Variants in ART3 observed in about 807,000 individuals in gnomAD.
The protein encoded by ART3 is ADP-ribosyltransferase 3 (inactive).
In ART3, 49 loss-of-function variants were observed where a neutral mutation model predicts 48.5. The ratio of observed to expected loss-of-function variants is 1.01; its 90% CI spans 0.80 to 1.28. ART3 has a LOEUF of 1.28. Among genes scored for constraint, ART3 ranks in the 50% most tolerant of loss-of-function variants. The pLI, the probability that ART3 is intolerant of heterozygous loss-of-function variation, is 0.00. For synonymous variants in ART3, 145 were observed against 157.2 expected, an observed-to-expected ratio of 0.92 and a Z score of 0.58; for missense variants, 438 against 454.3, an observed-to-expected ratio of 0.96 and a Z score of 0.33.
Position 76,030,907 on chromosome 4 carries a change from C to T in ART3, c.-10+19587C>T, listed in dbSNP as rs571928883. 7.2e-5 allele frequency among the ~76,000 whole-genome samples: 11 copies of T among 152,190 alleles called. No homozygotes were observed. The East Asian group carries it at 2.1e-3, about 29-fold the overall frequency. On this transcript the variant is annotated intron_variant, in intron 1 of 9. Coordinates refer to the ART3 transcript ENST00000341029. ...TATTTGGGTTGTTTCTGCTTTCTGGCTGTTGTGTATAATGCTGCTATGAAC... is the reference window on the plus strand; with the variant it reads ...TATTTGGGTTGTTTCTGCTTTCTGGTTGTTGTGTATAATGCTGCTATGAAC...
intron 1 of ART3, among the ~76,000 whole-genome samples, chr4:76,064,315 A>G (rs1049848490): frequency 6.6e-6 from 1 of 152,262 alleles, no homozygotes; most frequent in African/African-American, 2.4e-5. Flanking sequence ...AGGAAAAATA[A>G]AAAATTTTAG....
intron 1 of ART3, among the ~76,000 whole-genome samples, chr4:76,037,684 C>T (rs1426291879): frequency 6.6e-6 from 1 of 152,028 alleles, no homozygotes. Context: ...GATATTAATT[C>T]TTAAAATTCT....
intron 1 of ART3, among the ~76,000 whole-genome samples, chr4:76,031,913 C>T (rs1433110398): frequency 6.6e-6 from 1 of 152,010 alleles, no homozygotes; most frequent in Non-Finnish European, 1.5e-5. Flanking sequence ...AATAGGACAC[C>T]TAATCTAGTT....
rs143493954 is a variant in ART3 at position 76,023,379 on chromosome 4, C to A, written c.-10+12059C>A. ...CCTTTGATGTTCCTTACCTTGAATGCCACTTAGAGTCAGAAAGATAAGGCA... is the reference window on the plus strand; with the variant it reads ...CCTTTGATGTTCCTTACCTTGAATGACACTTAGAGTCAGAAAGATAAGGCA... On this transcript the variant is annotated intron_variant, in intron 1 of 9. Transcript: ENST00000341029. 4 of 1,612,864 alleles carry A rather than the reference C, an allele frequency of 2.5e-6. No homozygotes were observed. In the East Asian group the frequency reaches 8.9e-5, roughly 36 times the overall value.
chr4:76,072,556 T>C (rs948038193), upstream of ART3, among the ~76,000 whole-genome samples: 1 of 151,944 alleles, frequency 6.6e-6, no homozygotes, highest in Non-Finnish European at 1.5e-5. Flanking sequence ...TATAATAACC[T>C]GTCATTTAGT....
chr4:76,025,866 T>C (rs1273012562), intron 1 of ART3, among the ~76,000 whole-genome samples: 1 of 152,068 alleles, frequency 6.6e-6, no homozygotes, highest in Non-Finnish European at 1.5e-5. Flanking sequence ...TTTTTTATAA[T>C]TTTTTTTCTG....
chr4:76,017,880 C>A (rs1300912770), intron 1 of ART3, among the ~76,000 whole-genome samples: 1 of 152,224 alleles, frequency 6.6e-6, no homozygotes, highest in East Asian at 1.9e-4. Flanking sequence ...ACTGGGTTCC[C>A]CCAAGCACAC....
chr4:76,023,129 A>G (rs904848716), intron 1 of ART3, among the ~76,000 whole-genome samples: 2 of 151,616 alleles, frequency 1.3e-5, no homozygotes, highest in African/African-American at 2.4e-5. Context: ...TTCTCTCTCT[A>G]TCCTCCCTCT....
At chr4:76,096,529 A>G (rs1192392496) in intron 3 of ART3, among the ~76,000 whole-genome samples, 1 of 152,218 alleles carries the variant, frequency 6.6e-6, no homozygotes, top group Non-Finnish European at 1.5e-5. Context: ...TGTGTTCGCC[A>G]GGTATGAAGT....
intron 1 of ART3, among the ~76,000 whole-genome samples, chr4:76,067,531 C>T (rs185925240): frequency 1.3e-5 from 2 of 152,332 alleles, no homozygotes; most frequent in Admixed American, 1.3e-4. Context: ...ACCAGACTAA[C>T]AGCTAGAACT....
At chr4:76,069,060 A>G (rs1194665972) in intron 1 of ART3, among the ~76,000 whole-genome samples, 1 of 152,214 alleles carries the variant, frequency 6.6e-6, no homozygotes, top group Non-Finnish European at 1.5e-5. Context: ...GTGTTATGCT[A>G]AGAAGTTAGT....
intron 10 of ART3, chr4:76,105,409 C>A: frequency 2.0e-6 from 2 of 986,108 alleles, no homozygotes; most frequent in Non-Finnish European, 2.6e-6. Flanking sequence ...TTCTGTCTTG[C>A]AGGACTGATG....
At chr4:76,013,262 T>G (rs1007944892) in intron 1 of ART3, among the ~76,000 whole-genome samples, 2 of 152,094 alleles carry the variant, frequency 1.3e-5, no homozygotes, top group Non-Finnish European at 2.9e-5. Context: ...TATGCCAAAT[T>G]TGAGAACCTG....
chr4:76,107,782 T>A lies in ART3; in HGVS notation c.1025T>A (p.Ile342Asn). 2 of 1,477,388 alleles carry A rather than the reference T, an allele frequency of 1.4e-6. No homozygotes were observed. Among genetic ancestry groups the A allele is most frequent in the Non-Finnish European group, 1.8e-6 (2 of 1,085,930 alleles). The allele number at this position is 1,477,388 out of a possible 1,614,324, so 91.5% of individuals were successfully genotyped here. The change falls in exon 11 of 12, where the codon ATC becomes AAC. Residue 342 changes from isoleucine to asparagine, a missense_variant. Ile to Asn is a moderately radical substitution (Grantham distance 149). This residue lies in a region of ART3 where 227 missense variants were observed against 229.6 expected (regional missense o/e 0.99). Transcript: ENST00000355810. ...PLPEDKSQGN[I>N]NNPTPGPVPV... ...TTAGAAGATAAAAGTCAAGGAAATATCAACAATCCTAGTAAGAAGTATCTC... is the reference window on the plus strand; with the variant it reads ...TTAGAAGATAAAAGTCAAGGAAATAACAACAATCCTAGTAAGAAGTATCTC...
intron 1 of ART3, among the ~76,000 whole-genome samples, chr4:76,027,451 T>C (rs1733505134): frequency 6.6e-6 from 1 of 152,074 alleles, no homozygotes. Context: ...GGAAAGCTTG[T>C]GCAATTACAG....
At chr4:76,102,261 G>A (rs1727500845) in intron 8 of ART3, among the ~76,000 whole-genome samples, 1 of 152,294 alleles carries the variant, frequency 6.6e-6, no homozygotes, top group Non-Finnish European at 1.5e-5. Flanking sequence ...GAAGCATCGG[G>A]AACTTCATTT....
At chr4:76,086,904 TAC>T (rs1294036356) in intron 3 of ART3, among the ~76,000 whole-genome samples, 1 of 152,176 alleles carries the variant, frequency 6.6e-6, no homozygotes, top group Non-Finnish European at 1.5e-5. Context: ...TTTAGAGTTA[TAC>T]CATGGAAATC....
intron 3 of ART3, among the ~76,000 whole-genome samples, chr4:76,084,133 C>A (rs1723064740): frequency 6.6e-6 from 1 of 152,120 alleles, no homozygotes; most frequent in Non-Finnish European, 1.5e-5. Context: ...TCTTCTTTCC[C>A]CTGGATAATT....
intron 1 of ART3, among the ~76,000 whole-genome samples, chr4:76,020,706 G>A (rs1732719513): frequency 6.6e-6 from 1 of 151,970 alleles, no homozygotes; most frequent in Non-Finnish European, 1.5e-5. Flanking sequence ...TTTGGCCATA[G>A]GGCTGGATGT....
Sources: gnomAD v4.1 joint callset for allele counts (sites outside exome capture counted in the v4.1 genomes callset) on GRCh38, gnomAD v4.1.1 for gene constraint, gnomAD v4.1.1 regional missense constraint, MANE v1.5 for transcripts, NCBI Gene and HGNC (gene_info 2026-07-23, HGNC 2026-07-21) for gene names.